CGNL1: variants seen among roughly 807,000 people sequenced by gnomAD.
CGNL1 encodes the protein cingulin-like protein 1.
In CGNL1, 132 loss-of-function variants were observed where a neutral mutation model predicts 141.2. That is an observed-to-expected ratio of 0.93 (90% CI 0.81 to 1.08). CGNL1 has a LOEUF of 1.08. Ranked by LOEUF, CGNL1 falls within the 50% of genes least tolerant of loss-of-function variation. CGNL1 has a pLI of 0.00. For missense variants in CGNL1, 1,870 were observed against 1,588.6 expected (o/e 1.18, Z -3.01); for synonymous variants, 690 against 622.1 (o/e 1.11, Z -1.63).
intron 8 of CGNL1, among the ~76,000 whole-genome samples, chr15:57,474,201 G>A (rs1244626930): frequency 2.6e-5 from 4 of 152,072 alleles, no homozygotes; most frequent in Non-Finnish European, 2.9e-5. Flanking sequence ...GTAAGCCACC[G>A]TGCCCAGCCT....
At chr15:57,380,799 A>G (rs73421412) in intron 1 of CGNL1, among the ~76,000 whole-genome samples, 4,811 of 152,230 alleles carry the variant, frequency 0.032, 252 homozygotes, top group African/African-American at 0.11. Flanking sequence ...ATGTGGCTGG[A>G]TCCATTTTTG....
At chr15:57,395,995 G>T (rs2062597952) in intron 1 of CGNL1, among the ~76,000 whole-genome samples, 2 of 152,206 alleles carry the variant, frequency 1.3e-5, no homozygotes, top group Admixed American at 6.5e-5. Context: ...GACTGTTCTT[G>T]AACTTCATAA....
chr15:57,378,916 G>A (rs546465866), intron 1 of CGNL1, among the ~76,000 whole-genome samples: 116 of 152,316 alleles, frequency 7.6e-4, no homozygotes, highest in Non-Finnish European at 1.4e-3. Flanking sequence ...TGTGGGAGCC[G>A]TCTTCATTGT....
chr15:57,484,927 T>G (rs1287781980), intron 8 of CGNL1, among the ~76,000 whole-genome samples: 1 of 143,378 alleles, frequency 7.0e-6, no homozygotes, highest in Non-Finnish European at 1.5e-5. Context: ...TTCATTGGGT[T>G]TTTTTTTTTC....
intron 8 of CGNL1, among the ~76,000 whole-genome samples, chr15:57,466,160 T>G (rs1368610631): frequency 6.6e-6 from 1 of 152,206 alleles, no homozygotes; most frequent in African/African-American, 2.4e-5. Context: ...CTACCAAACA[T>G]TCTTTTAAAG....
At chr15:57,389,065 G>A (rs2062514862) in intron 1 of CGNL1, among the ~76,000 whole-genome samples, 1 of 152,030 alleles carries the variant, frequency 6.6e-6, no homozygotes, top group Non-Finnish European at 1.5e-5. Context: ...TGGGCACGAG[G>A]GGATGTCAAC....
chr15:57,494,570 A>G (rs1027274454), intron 8 of CGNL1, among the ~76,000 whole-genome samples: 2 of 152,146 alleles, frequency 1.3e-5, no homozygotes, highest in Non-Finnish European at 2.9e-5. Flanking sequence ...AGGAGGAGGG[A>G]TGGATTTTGT....
chr15:57,452,651 C>T lies in CGNL1; in HGVS notation c.2054+362C>T, dbSNP rs2063335484. On this transcript the variant is annotated intron_variant, in intron 6 of 18. Coordinates refer to ENST00000281282, the MANE Select transcript of CGNL1 (RefSeq NM_032866.5). ...TCTAAAAAGCATGTGTTACGTGGCC[C>T]CCGTGAGCTCTCAGCCTGTGCATTT... Among the ~76,000 whole-genome samples the T allele has an allele frequency of 2.6e-5, 4 of 151,940 alleles. No homozygotes were observed. In the South Asian group the frequency reaches 8.4e-4, roughly 32 times the overall value.
intron 7 of CGNL1, among the ~76,000 whole-genome samples, chr15:57,460,408 A>C: frequency 6.6e-6 from 1 of 152,202 alleles, no homozygotes; most frequent in East Asian, 1.9e-4. Context: ...GAAGTTTGGC[A>C]GGTAGCCAAG....
At chr15:57,457,610 C>T (rs1222897817) in intron 7 of CGNL1, among the ~76,000 whole-genome samples, 3 of 152,112 alleles carry the variant, frequency 2.0e-5, no homozygotes, top group Non-Finnish European at 4.4e-5. Context: ...GCCAGGGAGG[C>T]CTCATAATCG....
chr15:57,528,890 G>A lies in CGNL1; in HGVS notation c.3201+75G>A. On this transcript the variant is annotated intron_variant, in intron 13 of 18. Transcript: ENST00000281282. ...GGGCCACGAGAGAAGCAGCCTCTTT[G>A]CTCTCAGCTCAGCCTTTGGGAAGTC... 3 of 1,486,162 alleles carry A rather than the reference G, an allele frequency of 2.0e-6. No homozygotes were observed. In the East Asian group the frequency reaches 7.2e-5, roughly 35 times the overall value. 92.1% of individuals were successfully genotyped at this position (1,486,162 alleles called of 1,614,324 possible). A position where few individuals can be genotyped will look rare whatever the true frequency, so the allele number is the denominator to read the frequency against.
At chr15:57,486,108 G>C (rs2152369554) in intron 8 of CGNL1, among the ~76,000 whole-genome samples, 1 of 152,286 alleles carries the variant, frequency 6.6e-6, no homozygotes, top group East Asian at 1.9e-4. Context: ...CTGAGGTGGT[G>C]ACCTGTGGAA....
rs773490526 is a variant in CGNL1 at position 57,439,021 on chromosome 15, C to A, written c.1022C>A (p.Thr341Asn). 6 of 1,614,108 alleles carry A rather than the reference C, an allele frequency of 3.7e-6. No homozygotes were observed. The highest frequency in any genetic ancestry group is 1.3e-5 in the African/African-American group (1 of 74,928). The change falls in exon 2 of 19, where the codon ACT becomes AAT. Residue 341 changes from threonine to asparagine, a missense_variant. By Grantham distance (65) the Thr-to-Asn change is moderately conservative (BLOSUM62 0). Transcript: ENST00000281282. ...AGGTATATTCCCTTCCTGCCAGGAACTGGACGGGATATTGATACAGGATCA... is the reference window on the plus strand; with the variant it reads ...AGGTATATTCCCTTCCTGCCAGGAAATGGACGGGATATTGATACAGGATCA... ...NRRYIPFLPGTGRDIDTGSIP... is the reference protein window; with the variant it reads ...NRRYIPFLPGNGRDIDTGSIP...
At chr15:57,471,763 A>G (rs1222651570) in intron 8 of CGNL1, among the ~76,000 whole-genome samples, 2 of 152,208 alleles carry the variant, frequency 1.3e-5, no homozygotes, top group Non-Finnish European at 2.9e-5. Context: ...TCAATGTCTA[A>G]CTGTTGGGAA....
rs1395097289 is a variant in CGNL1 at position 57,513,251 on chromosome 15, T to TGG, written c.2404-3527_2404-3526dup. On this transcript the variant is annotated intron_variant, in intron 8 of 18. Transcript: ENST00000281282. ...CCAGACTTTCATATAAATGTCAATATGGGTGTGTGTGTGTGTGTGTGTGTG... is the reference window on the plus strand; with the variant it reads ...CCAGACTTTCATATAAATGTCAATATGGGGGTGTGTGTGTGTGTGTGTGTGTG... 1.2e-3 allele frequency among the ~76,000 whole-genome samples: 137 copies of TGG among 111,792 alleles called. 1 individual carries two copies. The highest frequency in any genetic ancestry group is 3.3e-3 in the Admixed American group (33 of 9,980). The allele number at this position is 111,792 out of a possible 152,430, so 73.3% of individuals were successfully genotyped here.
intron 8 of CGNL1, among the ~76,000 whole-genome samples, chr15:57,471,984 T>A (rs889320321): frequency 1.2e-4 from 18 of 152,014 alleles, no homozygotes; most frequent in Non-Finnish European, 1.8e-4. Flanking sequence ...CACCCTGTAG[T>A]CCTAGCTACC....
chr15:57,425,772 T>C (rs2062966432), intron 1 of CGNL1, among the ~76,000 whole-genome samples: 1 of 150,914 alleles, frequency 6.6e-6, no homozygotes, highest in African/African-American at 2.4e-5. Flanking sequence ...CGCATTCATA[T>C]GAATACACAA....
At position 57,426,941 on chromosome 15, in the gene CGNL1, G is replaced by A. The variant is rs999860650; in HGVS notation, c.-15-11044G>A. Among the ~76,000 whole-genome samples, 4 of 152,278 alleles carry A rather than the reference G, an allele frequency of 2.6e-5. No individual in the cohort carries two copies. The South Asian group carries it at 6.2e-4, about 24-fold the overall frequency. ...GGCAGAAGATGAAGGCTGGAATGGG[G>A]TGAGGGTGCTTTAGGAAGGAGAGAG... On this transcript the variant is annotated intron_variant, in intron 1 of 18. Transcript: ENST00000281282.
chr15:57,475,676 A>C (rs2063646500), intron 8 of CGNL1, among the ~76,000 whole-genome samples: 1 of 152,060 alleles, frequency 6.6e-6, no homozygotes. Flanking sequence ...TGGGGAAAAT[A>C]ATCCTCCCAG....
Sources: gnomAD v4.1 joint callset for allele counts (sites outside exome capture counted in the v4.1 genomes callset) on GRCh38, gnomAD v4.1.1 for gene constraint, MANE v1.5 for transcripts, NCBI Gene and HGNC (gene_info 2026-07-23, HGNC 2026-07-21) for gene names.